SCARF1: variants seen among roughly 807,000 people sequenced by gnomAD.
SCARF1 encodes scavenger receptor class F member 1.
A neutral mutation model predicts 76.3 loss-of-function variants in SCARF1; 49 were observed. That is an observed-to-expected ratio of 0.64 (90% CI 0.51 to 0.81). SCARF1 has a LOEUF of 0.81. Among genes scored for constraint, SCARF1 ranks in the 40% least tolerant of loss-of-function variants. The pLI is 0.00. For missense variants in SCARF1, 1,098 were observed against 1,143.9 expected (o/e 0.96, Z 0.58); for synonymous variants, 495 against 474.6 (o/e 1.04, Z -0.56).
intron 8 of SCARF1, 166 bp downstream of exon 8, chr17:1,638,640 C>A: frequency 1.2e-6 from 1 of 838,414 alleles, no homozygotes; most frequent in East Asian, 3.2e-5. Flanking sequence ...CCACCCCCAT[C>A]ACCTCTGACC....
Position 1,640,312 on chromosome 17 carries a change from C to A in SCARF1, c.1010+136G>T. On this transcript the variant is annotated intron_variant, in intron 5 of 10. Coordinates refer to ENST00000263071, the MANE Select transcript of SCARF1 (RefSeq NM_003693.4). This position sits in a 1 kb window ranked among gnomAD's most constrained non-coding sequence, Gnocchi z 4.7. ...CCCCCCAGAACCCACTGCTCTCCCC[C>A]AGTCTTCAACAGGAGGGAGGCCCCT... The A allele has an allele frequency of 1.1e-6, 1 of 882,714 alleles. No individual in the cohort carries two copies. Among genetic ancestry groups the A allele is most frequent in the Non-Finnish European group, 1.7e-6 (1 of 581,108 alleles). 54.7% of individuals were successfully genotyped at this position (882,714 alleles called of 1,614,324 possible). A position where few individuals can be genotyped will look rare whatever the true frequency, so the allele number is the denominator to read the frequency against.
chr17:1,635,304 C>T lies in SCARF1; in HGVS notation c.1947G>A (p.Ala649=), dbSNP rs756463060. 6.8e-6 allele frequency: 11 copies of T among 1,612,096 alleles called. No homozygotes were observed. The Admixed American group carries it at 1.2e-4, about 17-fold the overall frequency. The change falls in exon 11 of 11, where the codon GCG becomes GCA. Residue 649 remains alanine (A), a synonymous_variant. Transcript: ENST00000263071. The part of the protein sequence containing the change: ...EEAEAPESFP[A]AASPGDSATG... ...TGGCTGAATCCCCGGGACTGGCAGC[C>T]GCCGGAAAGGACTCGGGGGCTTCTG...
chr17:1,638,904 G>A lies in SCARF1; in HGVS notation c.1266C>T (p.Ala422=), dbSNP rs747771197. ...CQPGSGSRDT[A]LIAGSLVPLL... ...GAGGCACAAGGCTGCCCGCGATGAG[G>A]GCAGTGTCCCGACTGCCAGAGCCTG... Residue 422 remains alanine (A), a synonymous_variant, in exon 8 of 11, where the codon GCC becomes GCT. Coordinates refer to ENST00000263071, the MANE Select transcript of SCARF1 (RefSeq NM_003693.4). 6 of 1,603,778 alleles carry A rather than the reference G, an allele frequency of 3.7e-6. No individual in the cohort carries two copies. The Admixed American group carries it at 8.4e-5, about 22-fold the overall frequency.
In SCARF1 at chr17:1,634,949, G is replaced by A. The variant is rs1023921534; in HGVS notation, c.2302C>T (p.Pro768Ser). 5.0e-6 allele frequency: 8 copies of A among 1,613,078 alleles called. No homozygotes were observed. In the African/African-American group the frequency reaches 9.4e-5, roughly 19 times the overall value. ...GCTTCCTCTGGTCTGACTGCCATAGGCCCTGTGGCCCCAGGAAGCCCAGCT... is the reference window on the plus strand; with the variant it reads ...GCTTCCTCTGGTCTGACTGCCATAGACCCTGTGGCCCCAGGAAGCCCAGCT... ...PKAGLPGATG[P>S]MAVRPEEAVR... The change falls in exon 11 of 11, where the codon CCT becomes TCT. Residue 768 changes from proline (P) to serine (S), a missense_variant. Physicochemically the swap from Pro to Ser is moderately conservative, Grantham distance 74 (BLOSUM62 -1). Transcript: ENST00000263071.
At chr17:1,638,712 G>C in intron 8 of SCARF1, 94 bp downstream of exon 8, 1 of 1,331,806 alleles carries the variant, frequency 7.5e-7, no homozygotes, top group Non-Finnish European at 9.8e-7. Flanking sequence ...TGGGCAACAA[G>C]GCCAGCCCTC....
In SCARF1 at chr17:1,644,088, C is replaced by T. The variant is rs971563663; in HGVS notation, c.266-121G>A. ...CATCCTCCAAGAGCCGGGGACAGAC[C>T]CTCAGAACATCCGGCAGCCTGTCCT... On this transcript the variant is annotated intron_variant, in intron 3 of 10. Transcript: ENST00000263071. This position sits in a 1 kb window ranked among gnomAD's most constrained non-coding sequence, Gnocchi z 4.8. The T allele has an allele frequency of 1.3e-6, 1 of 759,520 alleles. No individual in the cohort carries two copies. 47.0% of individuals were successfully genotyped at this position (759,520 alleles called of 1,614,324 possible). A position where few individuals can be genotyped will look rare whatever the true frequency, so the allele number is the denominator to read the frequency against.
In SCARF1 at chr17:1,634,531, C is replaced by A. The variant is rs1350352241; in HGVS notation, c.*227G>T. The A allele has an allele frequency of 2.2e-6, 1 of 463,832 alleles. No individual in the cohort carries two copies. The highest frequency in any genetic ancestry group is 3.7e-6 in the Non-Finnish European group (1 of 267,868). 28.7% of individuals were successfully genotyped at this position (463,832 alleles called of 1,614,324 possible). On this transcript the variant is annotated 3_prime_UTR_variant, in exon 11 of 11. Coordinates refer to ENST00000263071, the MANE Select transcript of SCARF1 (RefSeq NM_003693.4). ...GGGTCCAGGACAGCAGAGCAAAAGT[C>A]CCTGCAGGCAACCCTTCCTGACCCC...
In SCARF1 at chr17:1,635,403, G is replaced by T; in HGVS notation, c.1848C>A (p.Pro616=). Residue 616 remains proline, a synonymous_variant, in exon 11 of 11, where the codon CCC becomes CCA. Transcript: ENST00000263071. Reference sequence around the variant, plus strand: ...ACTGCGCCCCCCGGGAGAGCCTCTTGGGCTTTCGGAGCGGGCTGGAGAGCT... The same window carrying T: ...ACTGCGCCCCCCGGGAGAGCCTCTTTGGCTTTCGGAGCGGGCTGGAGAGCT... The part of the protein sequence containing the change: ...SGELSSPLRK[P]KRLSRGAQSG... 6.2e-7 allele frequency: 1 copy of T among 1,613,890 alleles called. No homozygotes were observed. Among genetic ancestry groups the T allele is most frequent in the Non-Finnish European group, 8.5e-7 (1 of 1,179,854 alleles).
chr17:1,635,951 A>G (rs1909523603), intron 10 of SCARF1, among the ~76,000 whole-genome samples: 1 of 151,816 alleles, frequency 6.6e-6, no homozygotes, highest in Non-Finnish European at 1.5e-5. Flanking sequence ...ACCTCTCCCT[A>G]CTTTGAAATA....
rs1221754578 is a variant in SCARF1 at position 1,640,724 on chromosome 17, C to T, written c.792-58G>A. 5 of 1,497,766 alleles carry T rather than the reference C, an allele frequency of 3.3e-6. No homozygotes were observed. The highest frequency in any genetic ancestry group is 4.6e-6 in the Non-Finnish European group (5 of 1,092,252). The allele number at this position is 1,497,766 out of a possible 1,614,324, so 92.8% of individuals were successfully genotyped here. A position where few individuals can be genotyped will look rare whatever the true frequency, so the allele number is the denominator to read the frequency against. Reference sequence around the variant, plus strand: ...GGGTGGATGGATGGAGCGCCCACCCCCTCCTACCCCTGTACTCCACGCAGG... The same window carrying T: ...GGGTGGATGGATGGAGCGCCCACCCTCTCCTACCCCTGTACTCCACGCAGG... On this transcript the variant is annotated intron_variant, in intron 4 of 10. Coordinates refer to ENST00000263071, the MANE Select transcript of SCARF1 (RefSeq NM_003693.4). This position sits in a 1 kb window ranked among gnomAD's most constrained non-coding sequence, Gnocchi z 4.7.
chr17:1,634,878 C>A lies in SCARF1; in HGVS notation c.2373G>T (p.Gln791His), dbSNP rs761828450. 3 of 1,614,068 alleles carry A rather than the reference C, an allele frequency of 1.9e-6. No individual in the cohort carries two copies. In the Admixed American group the frequency reaches 5.0e-5, roughly 27 times the overall value. ...GAGTESSRRAQEPVSGCGSPE... is the reference protein window; with the variant it reads ...GAGTESSRRAHEPVSGCGSPE... Reference sequence around the variant, plus strand: ...GGGAGCCACAGCCAGAGACTGGCTCCTGGGCTCTCCTTGAACTCTCGGTGC... The same window carrying A: ...GGGAGCCACAGCCAGAGACTGGCTCATGGGCTCTCCTTGAACTCTCGGTGC... The change falls in exon 11 of 11, where the codon CAG (glutamine) becomes CAT (histidine). Residue 791 changes from glutamine to histidine, a missense_variant. Physicochemically the swap from Gln to His is conservative, Grantham distance 24. Transcript: ENST00000263071.
At chr17:1,635,674 C>T in intron 10 of SCARF1, 57 bp from the exon 11 acceptor site, 2 of 1,531,234 alleles carry the variant, frequency 1.3e-6, no homozygotes, top group Non-Finnish European at 1.7e-6. Flanking sequence ...CCAATGCATC[C>T]TACCCACAGC....
At chr17:1,636,361 G>T (rs1002006792) in intron 10 of SCARF1, among the ~76,000 whole-genome samples, 2 of 152,222 alleles carry the variant, frequency 1.3e-5, no homozygotes, top group East Asian at 1.9e-4. Flanking sequence ...CTGGCCAGGC[G>T]CAGTGGCTCA....
At position 1,640,543 on chromosome 17, in the gene SCARF1, G is replaced by T. The variant is rs919427227; in HGVS notation, c.915C>A (p.Ser305Arg). The T allele has an allele frequency of 6.2e-7, 1 of 1,605,742 alleles. No individual in the cohort carries two copies. Among genetic ancestry groups the T allele is most frequent in the African/African-American group, 1.3e-5 (1 of 74,726 alleles). The change falls in exon 5 of 11, where the codon AGC becomes AGA. Residue 305 changes from serine (S) to arginine (R), a missense_variant. Ser to Arg is a moderately radical substitution (Grantham distance 110). Coordinates refer to ENST00000263071, the MANE Select transcript of SCARF1 (RefSeq NM_003693.4). This position sits in a 1 kb window ranked among gnomAD's most constrained non-coding sequence, Gnocchi z 4.7. ...GGCAGTGAGGGCACTGCTGTTCGCA[G>T]CTCTCGCCAAAGGTGCCAGGCAGGC... ...QPCLPGTFGE[S>R]CEQQCPHCRH...
rs914305477 is a variant in SCARF1 at position 1,645,161 on chromosome 17, C to T, written c.163+17G>A. 2 of 1,613,844 alleles carry T rather than the reference C, an allele frequency of 1.2e-6. No homozygotes were observed. Among genetic ancestry groups the T allele is most frequent in the Non-Finnish European group, 8.5e-7 (1 of 1,179,932 alleles). The stretch of plus-strand genomic sequence containing the variant: ...GCCTCCCTTCTCCTTGGCTGAGGGT[C>T]TGTCCTGGCTACTCACGGATGGTGC... On this transcript the variant is annotated intron_variant, in intron 2 of 10. Coordinates refer to ENST00000263071, the MANE Select transcript of SCARF1 (RefSeq NM_003693.4). This position sits in a 1 kb window ranked among gnomAD's most constrained non-coding sequence, Gnocchi z 6.3.
chr17:1,636,722 C>T lies in SCARF1; in HGVS notation c.1620G>A (p.Val540=), dbSNP rs1402444038. 66 of 1,613,812 alleles carry T rather than the reference C, an allele frequency of 4.1e-5. No homozygotes were observed. The highest frequency in any genetic ancestry group is 5.3e-5 in the Non-Finnish European group (63 of 1,179,940). Residue 540 remains valine, a synonymous_variant, in exon 10 of 11, where the codon GTG becomes GTA. Transcript: ENST00000263071. ...TTGGGGGGCTACCTTCTTGGGGTGGCACACAGTAGGCAGGAACCTCATCTG... is the reference window on the plus strand; with the variant it reads ...TTGGGGGGCTACCTTCTTGGGGTGGTACACAGTAGGCAGGAACCTCATCTG... The part of the protein sequence containing the change: ...GEADEVPAYC[V]PPQEGMVPVA...
At position 1,638,965 on chromosome 17, in the gene SCARF1, G is replaced by C. The variant is rs760925290; in HGVS notation, c.1244-39C>G. On this transcript the variant is annotated intron_variant, in intron 7 of 10. Transcript: ENST00000263071. ...AAACGGGGGATATTCAGGCCTTCCT[G>C]TCTCCTACACATCCTGTCTTTGCTC... The C allele has an allele frequency of 8.4e-6, 13 of 1,544,914 alleles. No homozygotes were observed. In the East Asian group the frequency reaches 3.0e-4, roughly 36 times the overall value.
At position 1,643,946 on chromosome 17, in the gene SCARF1, C is replaced by A; in HGVS notation, c.287G>T (p.Gly96Val). 7.4e-7 allele frequency: 1 copy of A among 1,349,538 alleles called. No homozygotes were observed. Among genetic ancestry groups the A allele is most frequent in the Non-Finnish European group, 9.5e-7 (1 of 1,053,974 alleles). 83.6% of individuals were successfully genotyped at this position (1,349,538 alleles called of 1,614,324 possible). A position where few individuals can be genotyped will look rare whatever the true frequency, so the allele number is the denominator to read the frequency against. The change falls in exon 4 of 11, where the codon GGC becomes GTC. Residue 96 changes from glycine to valine, a missense_variant. Physicochemically the swap from Gly to Val is moderately radical, Grantham distance 109. Transcript: ENST00000263071. Reference protein sequence around the residue: ...CSSRCPGQYWGPDCRESCPCH... With the variant: ...CSSRCPGQYWVPDCRESCPCH... The stretch of plus-strand genomic sequence containing the variant: ...GGGGCAGCTCTCACGGCAGTCGGGG[C>A]CCCAGTACTGGCCCGGGCAGCCTGC...
rs758613523 is a variant in SCARF1, at chr17:1,634,718, C to T, written c.*40G>A. 7 of 1,547,506 alleles carry T rather than the reference C, an allele frequency of 4.5e-6. No homozygotes were observed. The highest frequency in any genetic ancestry group is 1.4e-5 in the African/African-American group (1 of 72,696). The stretch of plus-strand genomic sequence containing the variant: ...ATCATTTTCCAGCACACAGCACAGT[C>T]TAGTCCATCCACTCTCCCCACTCCC... On this transcript the variant is annotated 3_prime_UTR_variant, in exon 11 of 11. Transcript: ENST00000263071.
Sources: allele counts gnomAD v4.1 joint callset (sites outside exome capture counted in the v4.1 genomes callset), GRCh38; gene constraint gnomAD v4.1.1; non-coding constraint Gnocchi (gnomAD v3.1); transcripts MANE v1.5; gene names NCBI Gene and HGNC (gene_info 2026-07-23, HGNC 2026-07-21).